Variants in TCP11L2 observed in about 807,000 individuals in gnomAD.
TCP11L2 encodes the protein t-complex 11 like 2, also known as T-complex protein 11-like protein 2.
TCP11L2 carries 39 observed loss-of-function variants against 50.7 expected under a neutral mutation model. The observed-to-expected ratio is 0.77, with a 90% confidence interval of 0.60 to 1.01. TCP11L2 has a LOEUF of 1.01. Among genes scored for constraint, TCP11L2 ranks in the 50% least tolerant of loss-of-function variants. The pLI is 0.00. For missense variants in TCP11L2, 612 were observed against 614.7 expected (o/e 1.00, Z 0.05); for synonymous variants, 192 against 219.3 (o/e 0.88, Z 1.10).
chr12:106,329,258 G>C, intron 6 of TCP11L2: 1 of 1,515,466 alleles, frequency 6.6e-7, no homozygotes, highest in Non-Finnish European at 8.9e-7. Flanking sequence ...ACAATACCTG[G>C]GACTGAGTAG....
At chr12:106,341,030 C>A in intron 9 of TCP11L2, 32 bp downstream of exon 9, 1 of 1,570,426 alleles carries the variant, frequency 6.4e-7, no homozygotes, top group Non-Finnish European at 8.6e-7. Context: ...TGCTTCAATT[C>A]CAATTTGCTT....
intron 6 of TCP11L2, chr12:106,329,256 T>C (rs2035663689): frequency 4.0e-6 from 6 of 1,514,208 alleles, no homozygotes; most frequent in Non-Finnish European, 5.3e-6. Context: ...GTACAATACC[T>C]GGGACTGAGT....
At chr12:106,302,628 C>T (rs1439959405), upstream of TCP11L2, among the ~76,000 whole-genome samples, 2 of 151,814 alleles carry the variant, frequency 1.3e-5, no homozygotes, top group Admixed American at 6.6e-5. Context: ...TTCAAACTGA[C>T]GAAGACTGTT....
intron 6 of TCP11L2, chr12:106,330,395 C>A: frequency 1.2e-6 from 1 of 845,808 alleles, no homozygotes; most frequent in Non-Finnish European, 1.4e-6. Flanking sequence ...CAACATTTGG[C>A]CATGTCTGGA....
intron 6 of TCP11L2, 61 bp downstream of exon 6, chr12:106,323,707 T>C (rs779855054): frequency 1.3e-6 from 1 of 759,266 alleles, no homozygotes. Context: ...TTTTAAATGT[T>C]AAAATTTAAA....
intron 2 of TCP11L2, 126 bp downstream of exon 2, chr12:106,311,358 A>G: frequency 1.9e-6 from 2 of 1,077,852 alleles, no homozygotes; most frequent in African/African-American, 1.6e-5. Flanking sequence ...CCAGAATAGC[A>G]CTGCAGAGGC....
At chr12:106,333,858 C>G (rs1048246769) in intron 6 of TCP11L2, among the ~76,000 whole-genome samples, 1 of 152,024 alleles carries the variant, frequency 6.6e-6, no homozygotes, top group Admixed American at 6.6e-5. Context: ...CATCTCTGCT[C>G]AACTTCATAT....
intron 3 of TCP11L2, among the ~76,000 whole-genome samples, chr12:106,315,585 A>AAATCAG (rs2035046074): frequency 2.0e-5 from 3 of 152,230 alleles, no homozygotes; most frequent in Non-Finnish European, 4.4e-5. Context: ...GATTTATGGA[A>AAATCAG]AACTGATACT....
chr12:106,312,608 C>A (rs929103379), intron 2 of TCP11L2, among the ~76,000 whole-genome samples: 2 of 152,266 alleles, frequency 1.3e-5, no homozygotes, highest in African/African-American at 4.8e-5. Context: ...GGTAGCCAGG[C>A]GCAGTGGCTC....
At chr12:106,332,020 A>G (rs1299717439) in intron 6 of TCP11L2, among the ~76,000 whole-genome samples, 1 of 152,234 alleles carries the variant, frequency 6.6e-6, no homozygotes, top group Non-Finnish European at 1.5e-5. Flanking sequence ...GAATAAATGT[A>G]AAAGACTTGC....
intron 1 of TCP11L2, among the ~76,000 whole-genome samples, chr12:106,308,160 A>C (rs554415716): frequency 6.6e-6 from 1 of 152,340 alleles, no homozygotes; most frequent in African/African-American, 2.4e-5. Flanking sequence ...TGCTGGAAGA[A>C]AGTGTAGTTT....
chr12:106,326,303 C>G (rs1324486893), intron 6 of TCP11L2, among the ~76,000 whole-genome samples: 1 of 152,114 alleles, frequency 6.6e-6, no homozygotes, highest in Non-Finnish European at 1.5e-5. Flanking sequence ...GTCGAGGAAG[C>G]TGGGCATGTT....
At chr12:106,329,446 A>G (rs1367256153) in intron 6 of TCP11L2, 1 of 1,534,250 alleles carries the variant, frequency 6.5e-7, no homozygotes, top group African/African-American at 1.4e-5. Context: ...GAGAAGAGCC[A>G]ACGTTTCACT....
At chr12:106,320,178 A>G (rs924551853) in intron 4 of TCP11L2, among the ~76,000 whole-genome samples, 4 of 152,178 alleles carry the variant, frequency 2.6e-5, no homozygotes, top group African/African-American at 9.6e-5. Flanking sequence ...AGGTGGGCGG[A>G]TCACAAGGTC....
In TCP11L2 at chr12:106,331,434, G is replaced by A. The variant is rs2246301; in HGVS notation, c.773-4205G>A. 7.3e-3 allele frequency among the ~76,000 whole-genome samples: 1,112 copies of A among 152,318 alleles called. 6 individuals carry two copies. Among genetic ancestry groups the A allele is most frequent in the Middle Eastern group, 0.024 (7 of 294 alleles). Reference sequence around the variant, plus strand: ...TTCCACGGGTGATCACTTTGTCTGAGGCAACTTTGTTAATAAGGCAGCTGT... The same window carrying A: ...TTCCACGGGTGATCACTTTGTCTGAAGCAACTTTGTTAATAAGGCAGCTGT... On this transcript the variant is annotated intron_variant, in intron 6 of 9. Transcript: ENST00000299045.
intron 1 of TCP11L2, among the ~76,000 whole-genome samples, chr12:106,309,388 C>A (rs939145973): frequency 6.6e-6 from 1 of 152,004 alleles, no homozygotes; most frequent in Non-Finnish European, 1.5e-5. Flanking sequence ...CCACTCCACT[C>A]CTTGCCCTTC....
rs929576782 is a variant in TCP11L2 at position 106,314,285 on chromosome 12, A to G, written c.158-73A>G. Reference sequence around the variant, plus strand: ...TATACATTCTGATAAATTAAACCTTATCTGCATCAGGAGGCTTCGTTGGAT... The same window carrying G: ...TATACATTCTGATAAATTAAACCTTGTCTGCATCAGGAGGCTTCGTTGGAT... On this transcript the variant is annotated intron_variant, in intron 2 of 9. Coordinates refer to ENST00000299045, the MANE Select transcript of TCP11L2 (RefSeq NM_152772.3). 6 of 1,500,518 alleles carry G rather than the reference A, an allele frequency of 4.0e-6. No homozygotes were observed. The African/African-American group carries it at 7.0e-5, about 17-fold the overall frequency. 93.0% of individuals were successfully genotyped at this position (1,500,518 alleles called of 1,614,324 possible).
At chr12:106,324,391 A>T (rs1001816300) in intron 6 of TCP11L2, 2 of 152,328 alleles carry the variant, frequency 1.3e-5, no homozygotes, top group Non-Finnish European at 2.9e-5. Context: ...TAGAGTTGGT[A>T]AGGGGAGAGT....
intron 6 of TCP11L2, chr12:106,325,926 A>G (rs916335794): frequency 1.3e-5 from 2 of 149,016 alleles, no homozygotes; most frequent in African/African-American, 4.9e-5. Flanking sequence ...CACACACACC[A>G]GACTGGAGGG....
Sources: gnomAD v4.1 joint callset for allele counts (sites outside exome capture counted in the v4.1 genomes callset) on GRCh38, gnomAD v4.1.1 for gene constraint, MANE v1.5 for transcripts, NCBI Gene and HGNC (gene_info 2026-07-23, HGNC 2026-07-21) for gene names.